Variants in CNTN5 observed in about 807,000 individuals in gnomAD.
CNTN5 encodes contactin-5.
CNTN5 carries 77 observed loss-of-function variants against 129.1 expected under a neutral mutation model. That is an observed-to-expected ratio of 0.60 (90% CI 0.50 to 0.72). The LOEUF is 0.72. CNTN5 is among the 30% of genes least tolerant of loss of function. The probability of loss-of-function intolerance (pLI) is 0.00; values close to 1 mark genes in which losing one functional copy is unlikely to be tolerated. For missense variants in CNTN5, 1,478 were observed against 1,328.8 expected (o/e 1.11, Z -1.75); for synonymous variants, 509 against 465.6 (o/e 1.09, Z -1.20).
chr11:100,273,654 C>T (rs907487814), intron 18 of CNTN5, among the ~76,000 whole-genome samples: 1 of 152,146 alleles, frequency 6.6e-6, no homozygotes, highest in Non-Finnish European at 1.5e-5. Context: ...ATCAGGCACC[C>T]GCTACCACCA....
At chr11:99,193,899 G>A (rs1372466471) in intron 1 of CNTN5, among the ~76,000 whole-genome samples, 2 of 152,086 alleles carry the variant, frequency 1.3e-5, no homozygotes, top group Non-Finnish European at 1.5e-5. Context: ...ACAAACAAAA[G>A]CATTCATATT....
chr11:99,727,394 A>G (rs17676667), intron 3 of CNTN5, among the ~76,000 whole-genome samples: 5,736 of 151,140 alleles, frequency 0.038, 217 homozygotes, highest in East Asian at 0.2. Context: ...ATAAACAATG[A>G]TAAGCCCGAT....
chr11:99,776,018 G>C (rs934488983), intron 3 of CNTN5, among the ~76,000 whole-genome samples: 6 of 151,904 alleles, frequency 3.9e-5, no homozygotes, highest in African/African-American at 1.2e-4. Flanking sequence ...ATTTATATTT[G>C]TATTGCTAAT....
chr11:99,035,155 T>A (rs1401404053), intron 1 of CNTN5, among the ~76,000 whole-genome samples: 1 of 151,630 alleles, frequency 6.6e-6, no homozygotes, highest in Admixed American at 6.6e-5. Context: ...TAATTTCTGT[T>A]CTTTTACATT....
rs1210643874 is a variant in CNTN5 at position 99,552,681 on chromosome 11, T to C, written c.-70-3464T>C. ...AGGACTAGCAAGAAAGTCAGTGTTG[T>C]GGGAATGGAGTTAGTCTAAAAAGTT... On this transcript the variant is annotated intron_variant, in intron 2 of 24. Coordinates refer to ENST00000524871, the MANE Select transcript of CNTN5 (RefSeq NM_014361.4). Among the ~76,000 whole-genome samples the C allele has an allele frequency of 2.6e-5, 4 of 152,110 alleles. No homozygotes were observed. The East Asian group carries it at 7.7e-4, about 29-fold the overall frequency.
chr11:99,811,772 A>T (rs965624274), intron 3 of CNTN5, among the ~76,000 whole-genome samples: 20 of 152,042 alleles, frequency 1.3e-4, no homozygotes, highest in Non-Finnish European at 1.9e-4. Context: ...AGGTTAATTG[A>T]GTTTTATCAC....
At chr11:99,666,273 CTTAACTT>C (rs1330153285) in intron 3 of CNTN5, among the ~76,000 whole-genome samples, 2 of 152,092 alleles carry the variant, frequency 1.3e-5, no homozygotes, top group Middle Eastern at 3.2e-3. Flanking sequence ...CAGTCAAATT[CTTAACTT>C]TTAACTTAAA....
At chr11:99,809,514 C>T (rs1050950851) in intron 3 of CNTN5, among the ~76,000 whole-genome samples, 1 of 152,028 alleles carries the variant, frequency 6.6e-6, no homozygotes, top group African/African-American at 2.4e-5. Context: ...CCAAAAATGT[C>T]ATAATTATTT....
chr11:99,488,973 A>G (rs1181055436), intron 2 of CNTN5, among the ~76,000 whole-genome samples: 1 of 152,170 alleles, frequency 6.6e-6, no homozygotes, highest in Admixed American at 6.5e-5. Context: ...ATAGAATGCT[A>G]TGTGCTATCG....
chr11:99,430,426 A>G (rs1459345088), intron 2 of CNTN5, among the ~76,000 whole-genome samples: 1 of 150,494 alleles, frequency 6.6e-6, no homozygotes, highest in Non-Finnish European at 1.5e-5. Flanking sequence ...GGCATTATAT[A>G]CATAAGAACT....
At chr11:100,293,243 C>T (rs1008746874) in intron 18 of CNTN5, among the ~76,000 whole-genome samples, 1 of 151,826 alleles carries the variant, frequency 6.6e-6, no homozygotes, top group Admixed American at 6.6e-5. Flanking sequence ...TGTACACTCA[C>T]CTCCTATCTT....
chr11:99,598,780 T>A (rs1253562223), intron 3 of CNTN5, among the ~76,000 whole-genome samples: 1 of 152,108 alleles, frequency 6.6e-6, no homozygotes, highest in African/African-American at 2.4e-5. Flanking sequence ...TTGCTAATAT[T>A]ACTGTGGAAC....
At chr11:99,806,130 G>A (rs1385702860) in intron 3 of CNTN5, among the ~76,000 whole-genome samples, 8 of 151,994 alleles carry the variant, frequency 5.3e-5, no homozygotes, top group Non-Finnish European at 8.8e-5. Context: ...CTGCAGATTT[G>A]ACTTAAATTC....
chr11:99,029,777 A>G (rs1229833282), intron 1 of CNTN5, among the ~76,000 whole-genome samples: 1 of 152,178 alleles, frequency 6.6e-6, no homozygotes, highest in Non-Finnish European at 1.5e-5. Context: ...TCAAGATTAG[A>G]TGATATTTGA....
At chr11:99,355,317 G>A (rs1591563483) in intron 2 of CNTN5, among the ~76,000 whole-genome samples, 1 of 151,896 alleles carries the variant, frequency 6.6e-6, no homozygotes, top group African/African-American at 2.4e-5. Context: ...ATATGTCCTC[G>A]AATACTAAAC....
intron 1 of CNTN5, among the ~76,000 whole-genome samples, chr11:99,030,374 A>G (rs1863311446): frequency 2.0e-5 from 3 of 152,212 alleles, no homozygotes; most frequent in Admixed American, 2.0e-4. Flanking sequence ...AAATATGCAG[A>G]AAATCACTAT....
chr11:99,981,180 A>C (rs1310799055), intron 8 of CNTN5, among the ~76,000 whole-genome samples: 1 of 150,456 alleles, frequency 6.6e-6, no homozygotes, highest in Non-Finnish European at 1.5e-5. Context: ...GAGAAGTCCC[A>C]TGGCAAACCA....
chr11:100,050,068 G>A (rs565769729), intron 9 of CNTN5, among the ~76,000 whole-genome samples: 3,550 of 152,208 alleles, frequency 0.023, 133 homozygotes, highest in African/African-American at 0.081. Flanking sequence ...TCAGTGTGGC[G>A]ATTCCTCAGG....
chr11:100,154,592 C>T (rs1028828537), intron 13 of CNTN5, among the ~76,000 whole-genome samples: 21 of 152,104 alleles, frequency 1.4e-4, no homozygotes, highest in Admixed American at 9.2e-4. Flanking sequence ...CTTGAGGAAT[C>T]GCCACCCTGT....
Sources: allele counts gnomAD v4.1 joint callset (sites outside exome capture counted in the v4.1 genomes callset), GRCh38; gene constraint gnomAD v4.1.1; transcripts MANE v1.5; gene names NCBI Gene and HGNC (gene_info 2026-07-23, HGNC 2026-07-21).